The following NRXN3 variants were observed in gnomAD, a reference collection of about 807,000 sequenced individuals.
The protein encoded by NRXN3 is neurexin III.
In NRXN3, 32 loss-of-function variants were observed where a neutral mutation model predicts 137.6. The ratio of observed to expected loss-of-function variants is 0.23; its 90% CI spans 0.18 to 0.31. The LOEUF is 0.31. NRXN3 is among the 10% of genes least tolerant of loss of function. The probability of loss-of-function intolerance (pLI) is 1.00; values close to 1 mark genes in which losing one functional copy is unlikely to be tolerated. For missense variants in NRXN3, 1,574 were observed against 2,062.5 expected, an observed-to-expected ratio of 0.76 and a Z score of 4.59; for synonymous variants, 798 against 784.5, an observed-to-expected ratio of 1.02 and a Z score of -0.29.
At chr14:79,201,139 A>G (rs1430000781) in intron 15 of NRXN3, 1 of 152,124 alleles carries the variant, frequency 6.6e-6, no homozygotes, top group Non-Finnish European at 1.5e-5. Flanking sequence ...AAGTTTGCCT[A>G]TTAGGTAGAA....
chr14:78,253,615 C>T (rs1596397066), intron 2 of NRXN3, among the ~76,000 whole-genome samples: 2 of 152,054 alleles, frequency 1.3e-5, no homozygotes, highest in African/African-American at 2.4e-5. Flanking sequence ...ATAAAGGCTG[C>T]AGTGAGCTGA....
At chr14:79,722,997 G>A (rs921271922) in intron 19 of NRXN3, among the ~76,000 whole-genome samples, 3 of 152,044 alleles carry the variant, frequency 2.0e-5, no homozygotes, top group East Asian at 1.9e-4. Context: ...TCTTGAGTGG[G>A]CTTTAGTCAG....
intron 5 of NRXN3, among the ~76,000 whole-genome samples, chr14:78,647,605 A>G (rs895039830): frequency 6.6e-6 from 1 of 152,214 alleles, no homozygotes; most frequent in African/African-American, 2.4e-5. Flanking sequence ...GAGGCCCTAC[A>G]GTATTGGGGG....
At chr14:79,064,158 A>G (rs1215267513) in intron 15 of NRXN3, among the ~76,000 whole-genome samples, 3 of 152,142 alleles carry the variant, frequency 2.0e-5, no homozygotes, top group African/African-American at 7.2e-5. Flanking sequence ...TTCATCTGTG[A>G]GCGGATTATT....
chr14:79,377,654 G>A (rs1344174610), intron 15 of NRXN3, among the ~76,000 whole-genome samples: 1 of 152,166 alleles, frequency 6.6e-6, no homozygotes, highest in Non-Finnish European at 1.5e-5. Flanking sequence ...TACTCAGGAG[G>A]CTGAGGCAGG....
intron 15 of NRXN3, among the ~76,000 whole-genome samples, chr14:79,057,857 G>A (rs2099667860): frequency 6.6e-6 from 1 of 152,082 alleles, no homozygotes. Context: ...CCATTCCAAG[G>A]ATGAGACGAG....
At chr14:78,230,202 T>G (rs1314190195) in intron 1 of NRXN3, among the ~76,000 whole-genome samples, 1 of 151,980 alleles carries the variant, frequency 6.6e-6, no homozygotes, top group African/African-American at 2.4e-5. Flanking sequence ...TTTTTGTATT[T>G]TTAGTAGAGA....
chr14:78,172,699 A>T (rs1252700751), intron 1 of NRXN3, among the ~76,000 whole-genome samples: 3 of 152,144 alleles, frequency 2.0e-5, no homozygotes, highest in African/African-American at 7.2e-5. Flanking sequence ...AAAGTGAGCA[A>T]CAGGGCTGGG....
At chr14:79,395,533 G>A (rs2094991484) in intron 15 of NRXN3, among the ~76,000 whole-genome samples, 1 of 150,838 alleles carries the variant, frequency 6.6e-6, no homozygotes, top group Non-Finnish European at 1.5e-5. Flanking sequence ...GTGAGGCCGG[G>A]CGTGGTGGCT....
intron 8 of NRXN3, among the ~76,000 whole-genome samples, chr14:78,764,767 A>G (rs572956035): frequency 1.3e-5 from 2 of 152,212 alleles, no homozygotes; most frequent in East Asian, 1.9e-4. Flanking sequence ...TGAAAAAGAG[A>G]CAGTGATTAG....
intron 10 of NRXN3, among the ~76,000 whole-genome samples, chr14:78,880,083 C>T (rs2099124396): frequency 6.8e-6 from 1 of 147,356 alleles, no homozygotes; most frequent in South Asian, 2.1e-4. Flanking sequence ...ACTAAAAATA[C>T]AAAAAAATTA....
At chr14:78,586,043 G>C (rs1477868126) in intron 4 of NRXN3, among the ~76,000 whole-genome samples, 1 of 152,154 alleles carries the variant, frequency 6.6e-6, no homozygotes, top group African/African-American at 2.4e-5. Flanking sequence ...ACTTGGAGCA[G>C]GAATTGTCAG....
At chr14:79,391,019 G>A (rs1471318073) in intron 15 of NRXN3, among the ~76,000 whole-genome samples, 2 of 152,028 alleles carry the variant, frequency 1.3e-5, no homozygotes, top group Non-Finnish European at 2.9e-5. Flanking sequence ...GCCAGTTGTA[G>A]GCCCTTCGAC....
intron 4 of NRXN3, among the ~76,000 whole-genome samples, chr14:78,386,000 T>C (rs1031314954): frequency 2.0e-5 from 3 of 152,118 alleles, no homozygotes; most frequent in Non-Finnish European, 2.9e-5. Context: ...ATTCCTTTTT[T>C]CCTTCTATAA....
At chr14:78,492,580 A>T (rs978716781) in intron 4 of NRXN3, among the ~76,000 whole-genome samples, 2 of 152,180 alleles carry the variant, frequency 1.3e-5, no homozygotes, top group Admixed American at 1.3e-4. Flanking sequence ...CTCTAACATG[A>T]CATATAAATG....
chr14:78,528,015 G>C (rs1166391657), intron 4 of NRXN3, among the ~76,000 whole-genome samples: 1 of 152,218 alleles, frequency 6.6e-6, no homozygotes, highest in Non-Finnish European at 1.5e-5. Flanking sequence ...ATATCCATGA[G>C]TGTGTTAATT....
At chr14:79,133,585 T>C (rs2057847002) in intron 15 of NRXN3, among the ~76,000 whole-genome samples, 1 of 152,192 alleles carries the variant, frequency 6.6e-6, no homozygotes, top group Admixed American at 6.5e-5. Context: ...TGTTTGAGTA[T>C]GTATGTATGC....
At chr14:78,234,003 G>A (rs2065835749) in intron 1 of NRXN3, among the ~76,000 whole-genome samples, 1 of 152,182 alleles carries the variant, frequency 6.6e-6, no homozygotes, top group African/African-American at 2.4e-5. Flanking sequence ...AATCATGGGG[G>A]CAGATCTTTC....
intron 1 of NRXN3, among the ~76,000 whole-genome samples, chr14:78,200,178 G>C (rs2061554102): frequency 6.6e-6 from 1 of 152,194 alleles, no homozygotes; most frequent in Non-Finnish European, 1.5e-5. Context: ...ACTTGGTACA[G>C]CACAGTGGCA....
Sources: gnomAD v4.1 joint callset for allele counts (sites outside exome capture counted in the v4.1 genomes callset) on GRCh38, gnomAD v4.1.1 for gene constraint, MANE v1.5 for transcripts, NCBI Gene and HGNC (gene_info 2026-07-23, HGNC 2026-07-21) for gene names.